The following HOPX variants were observed in gnomAD, a reference collection of about 807,000 sequenced individuals.
The protein encoded by HOPX is homeodomain-only protein.
A neutral mutation model predicts 11.8 loss-of-function variants in HOPX; 5 were observed. The observed-to-expected ratio is 0.43, with a 90% CI of 0.22 to 0.89. The LOEUF is 0.89. Ranked by LOEUF, HOPX falls within the 40% of genes least tolerant of loss-of-function variation. The pLI is 0.28. For synonymous variants in HOPX, 49 were observed against 49.7 expected (o/e 0.99, Z 0.06); for missense variants, 119 against 120.0 (o/e 0.99, Z 0.04).
rs1560363307 is a variant in HOPX at position 56,655,469 on chromosome 4, G to A, written c.198+388C>T. The stretch of plus-strand genomic sequence containing the variant: ...AATAGATCTTCCCGAAGGTTTCGCA[G>A]ACAGACCAGAGGGGACCGAGCCGGG... On this transcript the variant is annotated intron_variant, in intron 3 of 3. Coordinates refer to ENST00000420433, the MANE Select transcript of HOPX (RefSeq NM_032495.6). 1.3e-5 allele frequency among the ~76,000 whole-genome samples: 2 copies of A among 152,328 alleles called. 1 individual carries two copies. The highest frequency in any genetic ancestry group is 3.9e-4 in the East Asian group (2 of 5,184).
chr4:56,656,353 TAAGG>T (rs1429043895), intron 2 of HOPX: 1 of 1,039,688 alleles, frequency 9.6e-7, no homozygotes. Flanking sequence ...CCTCCGGCTC[TAAGG>T]AAGGAGTGAA....
chr4:56,681,692 G>T, upstream of HOPX: 2 of 998,868 alleles, frequency 2.0e-6, no homozygotes, highest in Non-Finnish European at 2.4e-6. Flanking sequence ...TCATTTCAAA[G>T]CGTAGATCTG....
At chr4:56,654,023 C>T (rs1396155924) in intron 3 of HOPX, among the ~76,000 whole-genome samples, 1 of 152,218 alleles carries the variant, frequency 6.6e-6, no homozygotes, top group African/African-American at 2.4e-5. Context: ...CAGTTGTCTC[C>T]TCCTGCTCAT....
intron 2 of HOPX, 162 bp from the exon 3 acceptor site, chr4:56,656,174 G>A: frequency 9.0e-7 from 1 of 1,113,904 alleles, no homozygotes; most frequent in Non-Finnish European, 1.1e-6. Flanking sequence ...GCTGAGCGGG[G>A]GCTTACGGCT....
Position 56,675,762 on chromosome 4 carries a change from A to G in HOPX, c.-84+5493T>C, listed in dbSNP as rs535992613. Among the ~76,000 whole-genome samples, 112 of 151,800 alleles carry G rather than the reference A, an allele frequency of 7.4e-4. 2 individuals carry two copies. In the Middle Eastern group the frequency reaches 0.017, roughly 23 times the overall value. On this transcript the variant is annotated intron_variant, in intron 1 of 3. Coordinates refer to ENST00000420433, the MANE Select transcript of HOPX (RefSeq NM_032495.6). ...CTGCACCAGGAGACATGAGCCTTCC[A>G]TTTGCAGCATCAGGCTTGCTGCCCC...
chr4:56,681,072 G>A, intron 1 of HOPX, 183 bp downstream of exon 1: 1 of 985,016 alleles, frequency 1.0e-6, no homozygotes, highest in Non-Finnish European at 1.2e-6. Flanking sequence ...GTAAGGGACT[G>A]ATGTCTTACA....
chr4:56,656,129 G>C, intron 2 of HOPX, 117 bp from the exon 3 acceptor site: 1 of 1,237,104 alleles, frequency 8.1e-7, no homozygotes, highest in Non-Finnish European at 1.0e-6. Context: ...CCCCTCCAGC[G>C]GTGCCACGGC....
At chr4:56,662,154 C>T (rs1718171394) in intron 1 of HOPX, among the ~76,000 whole-genome samples, 1 of 152,132 alleles carries the variant, frequency 6.6e-6, no homozygotes, top group South Asian at 2.1e-4. Flanking sequence ...GAAAGATGGA[C>T]AGAAAGCTGT....
intron 1 of HOPX, chr4:56,678,727 T>C (rs1367238717): frequency 6.6e-6 from 1 of 152,166 alleles, no homozygotes; most frequent in Non-Finnish European, 1.5e-5. Flanking sequence ...GTTACAGGCA[T>C]GAGCCACCAT....
intron 3 of HOPX, among the ~76,000 whole-genome samples, chr4:56,651,876 GTGTGTGT>G (rs1717220845): frequency 1.1e-5 from 1 of 88,946 alleles, no homozygotes; most frequent in South Asian, 3.5e-4. Flanking sequence ...GAGAGAGAGT[GTGTGTGT>G]GTGTGTGTGT....
chr4:56,674,984 G>A (rs1438288723), intron 1 of HOPX, among the ~76,000 whole-genome samples: 1 of 150,362 alleles, frequency 6.7e-6, no homozygotes, highest in South Asian at 2.1e-4. Context: ...CTTGCAAAGT[G>A]CTGGGATTAT....
In HOPX at chr4:56,674,195, C is replaced by G. The variant is rs117765972; in HGVS notation, c.-84+7060G>C. Among the ~76,000 whole-genome samples, 282 of 151,738 alleles carry G rather than the reference C, an allele frequency of 1.9e-3. 4 individuals are homozygous for G. In the East Asian group the frequency reaches 0.022, roughly 12 times the overall value. ...CATCTCCAAAGATGCTAGTCTATGT[C>G]CCAGGAAGAGGGTAAGGCATATACA... is the stretch of plus-strand genomic sequence containing the variant. On this transcript the variant is annotated intron_variant, in intron 1 of 3. Coordinates refer to ENST00000420433, the MANE Select transcript of HOPX (RefSeq NM_032495.6).
At chr4:56,660,373 T>A (rs1011826136) in intron 1 of HOPX, among the ~76,000 whole-genome samples, 10 of 152,224 alleles carry the variant, frequency 6.6e-5, no homozygotes, top group African/African-American at 2.2e-4. Flanking sequence ...GGAAAATGCA[T>A]TTTAAAATGT....
chr4:56,674,710 T>C lies in HOPX; in HGVS notation c.-84+6545A>G, dbSNP rs1003901680. 6.6e-5 allele frequency among the ~76,000 whole-genome samples: 10 copies of C among 151,570 alleles called. 1 individual carries two copies. The highest frequency in any genetic ancestry group is 1.3e-4 in the Admixed American group (2 of 15,280). ...ACCAGAAGCAAATTACAAGAAATTATGTGGAGATGGGTAAAATTAACTTCT... is the reference window on the plus strand; with the variant it reads ...ACCAGAAGCAAATTACAAGAAATTACGTGGAGATGGGTAAAATTAACTTCT... On this transcript the variant is annotated intron_variant, in intron 1 of 3. Transcript: ENST00000420433.
chr4:56,668,941 G>A (rs1320561898), intron 1 of HOPX, among the ~76,000 whole-genome samples: 1 of 152,162 alleles, frequency 6.6e-6, no homozygotes, highest in Non-Finnish European at 1.5e-5. Flanking sequence ...GGCTAAGAAT[G>A]TCCTTCCTTG....
chr4:56,675,816 A>G (rs964244789), intron 1 of HOPX, among the ~76,000 whole-genome samples: 1 of 151,678 alleles, frequency 6.6e-6, no homozygotes, highest in Non-Finnish European at 1.5e-5. Flanking sequence ...CTGTTCCCCA[A>G]GTGAGTGGGC....
intron 1 of HOPX, chr4:56,665,482 T>C (rs1433923275): frequency 1.3e-5 from 2 of 152,180 alleles, no homozygotes; most frequent in Non-Finnish European, 2.9e-5. Context: ...CTGCTCTGTG[T>C]TCAACAAGGA....
chr4:56,648,606 A>C lies in HOPX; in HGVS notation c.*114T>G. Reference sequence around the variant, plus strand: ...ACAACACTGTGTTAAACAGCAGGACAGCTAGCAATGGAACATACAACACTA... The same window carrying C: ...ACAACACTGTGTTAAACAGCAGGACCGCTAGCAATGGAACATACAACACTA... On this transcript the variant is annotated 3_prime_UTR_variant, in exon 4 of 4. Transcript: ENST00000420433. The C allele has an allele frequency of 1.6e-6, 1 of 637,084 alleles. No homozygotes were observed. Among genetic ancestry groups the C allele is most frequent in the Non-Finnish European group, 2.8e-6 (1 of 361,724 alleles). The allele number at this position is 637,084 out of a possible 1,614,324, so 39.5% of individuals were successfully genotyped here. A position where few individuals can be genotyped will look rare whatever the true frequency, so the allele number is the denominator to read the frequency against.
chr4:56,668,659 A>T (rs966078526), intron 1 of HOPX, among the ~76,000 whole-genome samples: 5 of 152,204 alleles, frequency 3.3e-5, no homozygotes, highest in Non-Finnish European at 7.3e-5. Context: ...CTGAGCCATT[A>T]TGCCTGGCTC....
Sources: allele counts gnomAD v4.1 joint callset (sites outside exome capture counted in the v4.1 genomes callset), GRCh38; gene constraint gnomAD v4.1.1; transcripts MANE v1.5; gene names NCBI Gene and HGNC (gene_info 2026-07-23, HGNC 2026-07-21).